The following ATRNL1 variants were observed in gnomAD, a reference collection of about 807,000 sequenced individuals.
ATRNL1 encodes the protein attractin like 1.
In ATRNL1, 95 loss-of-function variants were observed where a neutral mutation model predicts 182.7. The ratio of observed to expected loss-of-function variants is 0.52; its 90% CI spans 0.44 to 0.62. ATRNL1 has a LOEUF of 0.62. ATRNL1 is among the 20% of genes least tolerant of loss of function. The pLI is 0.00. For synonymous variants in ATRNL1, 576 were observed against 568.3 expected, an observed-to-expected ratio of 1.01 and a Z score of -0.19; for missense variants, 1,471 against 1,679.5, an observed-to-expected ratio of 0.88 and a Z score of 2.17.
chr10:115,802,724 A>G (rs1949826523), intron 27 of ATRNL1, among the ~76,000 whole-genome samples: 1 of 152,186 alleles, frequency 6.6e-6, no homozygotes, highest in Non-Finnish European at 1.5e-5. Flanking sequence ...TAGATATGAA[A>G]CAAAATGACA....
chr10:115,606,388 A>G (rs1565208347), intron 26 of ATRNL1, among the ~76,000 whole-genome samples: 1 of 152,056 alleles, frequency 6.6e-6, no homozygotes, highest in Admixed American at 6.5e-5. Context: ...TCAGTCAAAA[A>G]TGTTCATTAA....
intron 26 of ATRNL1, among the ~76,000 whole-genome samples, chr10:115,626,228 A>G (rs1377011563): frequency 1.3e-5 from 2 of 152,214 alleles, no homozygotes; most frequent in Non-Finnish European, 2.9e-5. Context: ...GTAAGTTGTC[A>G]GATAAAGCAT....
At chr10:115,447,877 T>A (rs1245135756) in intron 21 of ATRNL1, among the ~76,000 whole-genome samples, 2 of 152,046 alleles carry the variant, frequency 1.3e-5, no homozygotes, top group Non-Finnish European at 2.9e-5. Context: ...ACAATAATTT[T>A]CTTCCACTTC....
At chr10:115,186,075 A>G (rs1198975428) in intron 8 of ATRNL1, among the ~76,000 whole-genome samples, 1 of 152,152 alleles carries the variant, frequency 6.6e-6, no homozygotes, top group Non-Finnish European at 1.5e-5. Context: ...GGAAAGGGGG[A>G]AAATATTCAC....
At chr10:115,570,322 A>G (rs1555003103) in intron 26 of ATRNL1, among the ~76,000 whole-genome samples, 1 of 152,088 alleles carries the variant, frequency 6.6e-6, no homozygotes, top group African/African-American at 2.4e-5. Context: ...CTCATAATCT[A>G]AACACCTCCC....
chr10:115,133,270 T>G (rs1247065534), intron 5 of ATRNL1, among the ~76,000 whole-genome samples: 1 of 152,222 alleles, frequency 6.6e-6, no homozygotes, highest in Non-Finnish European at 1.5e-5. Flanking sequence ...CTGAGGGCTC[T>G]GTTCTGTTCC....
At chr10:115,483,091 T>G (rs1454524477) in intron 24 of ATRNL1, among the ~76,000 whole-genome samples, 2 of 151,324 alleles carry the variant, frequency 1.3e-5, no homozygotes, top group African/African-American at 4.8e-5. Context: ...ATGAAAATTA[T>G]TATTTGTAAT....
intron 26 of ATRNL1, among the ~76,000 whole-genome samples, chr10:115,561,035 C>T (rs1173985480): frequency 2.0e-5 from 3 of 152,046 alleles, no homozygotes; most frequent in Non-Finnish European, 4.4e-5. Flanking sequence ...ATATGTGACA[C>T]CTAAACTATA....
chr10:115,874,345 G>A (rs913260706), intron 28 of ATRNL1, among the ~76,000 whole-genome samples: 2 of 152,166 alleles, frequency 1.3e-5, no homozygotes, highest in Non-Finnish European at 2.9e-5. Flanking sequence ...AATACTAATT[G>A]AAGGAGATAG....
At chr10:115,383,061 T>A (rs549836570) in intron 19 of ATRNL1, among the ~76,000 whole-genome samples, 3 of 151,940 alleles carry the variant, frequency 2.0e-5, no homozygotes, top group African/African-American at 7.2e-5. Context: ...TGAAAGAACA[T>A]TGGATTTTTC....
At position 115,160,024 on chromosome 10, in the gene ATRNL1, AT is replaced by A. The variant is rs35831651; in HGVS notation, c.830-6del. On this transcript the variant is annotated splice_polypyrimidine_tract_variant and intron_variant, in intron 5 of 28. Coordinates refer to ENST00000355044, the MANE Select transcript of ATRNL1 (RefSeq NM_207303.4). ...TTTGTTTAATCTAGTGTGTTGTTTC[AT>A]TTTTTTTTTAATAGGTCCTGATTGT... 1,993 of 1,373,826 alleles carry A rather than the reference AT, an allele frequency of 1.5e-3. No individual in the cohort carries two copies. The highest frequency in any genetic ancestry group is 4.0e-3 in the South Asian group (282 of 70,134). 85.1% of individuals were successfully genotyped at this position (1,373,826 alleles called of 1,614,324 possible). A position where few individuals can be genotyped will look rare whatever the true frequency, so the allele number is the denominator to read the frequency against.
chr10:115,413,590 T>C (rs1005435193), intron 20 of ATRNL1, among the ~76,000 whole-genome samples: 6 of 152,130 alleles, frequency 3.9e-5, no homozygotes, highest in Admixed American at 3.9e-4. Flanking sequence ...CACTAATGTT[T>C]TTAACCACTT....
At chr10:115,190,220 G>T (rs1554889569) in intron 8 of ATRNL1, among the ~76,000 whole-genome samples, 1 of 152,062 alleles carries the variant, frequency 6.6e-6, no homozygotes, top group African/African-American at 2.4e-5. Context: ...AAACTGCTTT[G>T]CCATTGTGAC....
At chr10:115,134,180 A>G (rs188807745) in intron 5 of ATRNL1, among the ~76,000 whole-genome samples, 46 of 152,306 alleles carry the variant, frequency 3.0e-4, no homozygotes, top group African/African-American at 8.9e-4. Flanking sequence ...ACAAGAAATA[A>G]CTAAGATCAG....
At chr10:115,485,191 A>G (rs1414631) in intron 24 of ATRNL1, among the ~76,000 whole-genome samples, 29,881 of 151,962 alleles carry the variant, frequency 0.2, 3,110 homozygotes, top group South Asian at 0.24. Context: ...ATTGTTTTAT[A>G]AAAATATATA....
At chr10:115,916,300 T>C (rs1952847837) in intron 28 of ATRNL1, among the ~76,000 whole-genome samples, 1 of 152,228 alleles carries the variant, frequency 6.6e-6, no homozygotes, top group Non-Finnish European at 1.5e-5. Context: ...TAATCGTAAT[T>C]AGCAGCCCAA....
At chr10:115,434,908 G>T (rs1379915643) in intron 21 of ATRNL1, among the ~76,000 whole-genome samples, 1 of 152,116 alleles carries the variant, frequency 6.6e-6, no homozygotes, top group Non-Finnish European at 1.5e-5. Context: ...GAACAAGTTG[G>T]AGTATAAGAT....
intron 26 of ATRNL1, among the ~76,000 whole-genome samples, chr10:115,607,738 T>C (rs1856942048): frequency 6.6e-6 from 1 of 151,928 alleles, no homozygotes; most frequent in Non-Finnish European, 1.5e-5. Context: ...AATATTGCAA[T>C]GTGTTATAGA....
intron 21 of ATRNL1, among the ~76,000 whole-genome samples, chr10:115,437,045 G>A (rs903314032): frequency 2.6e-5 from 4 of 152,022 alleles, no homozygotes; most frequent in Admixed American, 2.0e-4. Flanking sequence ...AGTAGGTGAG[G>A]TAAGGGAATG....
Sources: allele counts gnomAD v4.1 joint callset (sites outside exome capture counted in the v4.1 genomes callset), GRCh38; gene constraint gnomAD v4.1.1; transcripts MANE v1.5; gene names NCBI Gene and HGNC (gene_info 2026-07-23, HGNC 2026-07-21).